Variants in DNM3 observed in about 807,000 individuals in gnomAD.
The protein encoded by DNM3 is dynamin 3.
Under a neutral mutation model 101.6 loss-of-function variants are expected in DNM3, and 47 were observed. That is an observed-to-expected ratio of 0.46 (90% confidence interval 0.37 to 0.59). The LOEUF (loss-of-function observed/expected upper bound fraction) is 0.59, where lower values mean the gene tolerates loss of function less well. Ranked by LOEUF, DNM3 falls within the 20% of genes least tolerant of loss-of-function variation. DNM3 has a pLI of 0.00. For synonymous variants in DNM3, 385 were observed against 387.9 expected (o/e 0.99, Z 0.09); for missense variants, 849 against 1,085.7 (o/e 0.78, Z 3.06).
At chr1:171,896,107 G>T (rs1558228920) in intron 1 of DNM3, among the ~76,000 whole-genome samples, 1 of 152,186 alleles carries the variant, frequency 6.6e-6, no homozygotes, top group Non-Finnish European at 1.5e-5. Flanking sequence ...GCTTAGGATT[G>T]TCTTGGCAAT....
intron 13 of DNM3, among the ~76,000 whole-genome samples, chr1:172,112,558 A>G (rs1165027538): frequency 2.6e-5 from 4 of 152,170 alleles, no homozygotes; most frequent in Middle Eastern, 3.4e-3. Context: ...CAGTCTTTCC[A>G]TTTTCCAGTA....
intron 14 of DNM3, among the ~76,000 whole-genome samples, chr1:172,196,116 T>A (rs1558709449): frequency 6.6e-6 from 1 of 151,748 alleles, no homozygotes; most frequent in Non-Finnish European, 1.5e-5. Flanking sequence ...GTTCATAAAT[T>A]ATTATATTTA....
chr1:172,227,243 T>C (rs2061158474), intron 14 of DNM3, among the ~76,000 whole-genome samples: 1 of 141,980 alleles, frequency 7.0e-6, no homozygotes, highest in African/African-American at 2.6e-5. Flanking sequence ...TTTCATTCTT[T>C]TTTTTTAATG....
chr1:172,415,480 A>G (rs1406136250), downstream of DNM3: 1 of 149,266 alleles, frequency 6.7e-6, no homozygotes, highest in Admixed American at 6.7e-5. Context: ...TTATTAACTT[A>G]CCTAAAGGAT....
intron 5 of DNM3, 118 bp downstream of exon 5, chr1:172,032,618 T>G: frequency 3.7e-6 from 2 of 545,198 alleles, no homozygotes; most frequent in Non-Finnish European, 3.1e-6. Context: ...CCTTCTCAGT[T>G]GTAAGGAATG....
intron 15 of DNM3, among the ~76,000 whole-genome samples, chr1:172,277,354 G>A (rs1032942355): frequency 4.6e-5 from 7 of 152,060 alleles, no homozygotes; most frequent in African/African-American, 9.7e-5. Flanking sequence ...CAGCGTTTTA[G>A]TAGTGAGCAG....
At chr1:172,157,105 T>C (rs1294170328) in intron 14 of DNM3, among the ~76,000 whole-genome samples, 1 of 152,126 alleles carries the variant, frequency 6.6e-6, no homozygotes. Flanking sequence ...TTGTAATATA[T>C]AATGAAATAT....
chr1:172,266,168 A>G (rs1011898547), intron 15 of DNM3, among the ~76,000 whole-genome samples: 4 of 152,298 alleles, frequency 2.6e-5, no homozygotes, highest in Non-Finnish European at 5.9e-5. Context: ...TCCACTTGTT[A>G]GCTGGAAAGA....
chr1:172,053,543 G>GA (rs956204198), intron 10 of DNM3, among the ~76,000 whole-genome samples: 6 of 151,406 alleles, frequency 4.0e-5, no homozygotes, highest in South Asian at 2.1e-4. Flanking sequence ...AAGCTCCTTT[G>GA]AAAAAAAAGG....
intron 4 of DNM3, among the ~76,000 whole-genome samples, chr1:172,002,957 G>A (rs1213732285): frequency 1.3e-5 from 2 of 151,968 alleles, no homozygotes; most frequent in Non-Finnish European, 2.9e-5. Flanking sequence ...TAAAGACGCT[G>A]CTTGAAGAAG....
intron 15 of DNM3, among the ~76,000 whole-genome samples, chr1:172,275,998 G>C (rs1015168527): frequency 2.0e-5 from 3 of 152,004 alleles, no homozygotes; most frequent in African/African-American, 7.2e-5. Flanking sequence ...TCAGGAAGAG[G>C]TTTTTAATAC....
intron 17 of DNM3, among the ~76,000 whole-genome samples, chr1:172,355,960 G>A (rs1420141513): frequency 1.3e-5 from 2 of 151,898 alleles, no homozygotes; most frequent in African/African-American, 4.8e-5. Context: ...AACCATAAAA[G>A]CATCCAGAGA....
At chr1:172,349,321 G>A (rs1421216521) in intron 17 of DNM3, among the ~76,000 whole-genome samples, 11 of 152,186 alleles carry the variant, frequency 7.2e-5, no homozygotes, top group South Asian at 4.1e-4. Context: ...GAGGATTCTC[G>A]AAATGATTAG....
chr1:172,224,582 T>C (rs1212131201), intron 14 of DNM3, among the ~76,000 whole-genome samples: 2 of 152,088 alleles, frequency 1.3e-5, no homozygotes, highest in Admixed American at 6.6e-5. Flanking sequence ...GACCTCATGA[T>C]TGATGTTCAG....
chr1:171,870,342 T>A (rs1407647271), intron 1 of DNM3, among the ~76,000 whole-genome samples: 1 of 152,118 alleles, frequency 6.6e-6, no homozygotes, highest in East Asian at 1.9e-4. Flanking sequence ...TACAGACTAA[T>A]GCAGTTATAT....
At chr1:172,286,251 T>C (rs535563535) in intron 15 of DNM3, among the ~76,000 whole-genome samples, 6 of 152,226 alleles carry the variant, frequency 3.9e-5, no homozygotes, top group African/African-American at 1.4e-4. Context: ...CTCTCTCTAT[T>C]TATTCCTCTG....
At chr1:172,251,842 T>A (rs2148681117) in intron 14 of DNM3, among the ~76,000 whole-genome samples, 1 of 152,194 alleles carries the variant, frequency 6.6e-6, no homozygotes, top group East Asian at 1.9e-4. Context: ...ATAAAAAAAA[T>A]GTTCCCTGGG....
At chr1:172,311,161 TC>T (rs1339094584) in intron 16 of DNM3, 30 of 152,160 alleles carry the variant, frequency 2.0e-4, no homozygotes, top group African/African-American at 6.8e-4. Context: ...TTATTATGAT[TC>T]TTATTATGAA....
intron 13 of DNM3, among the ~76,000 whole-genome samples, chr1:172,098,183 C>T (rs911541465): frequency 2.8e-4 from 42 of 152,068 alleles, no homozygotes; most frequent in African/African-American, 7.2e-4. Flanking sequence ...GGGAGCGATA[C>T]GGGAGACTAG....
Sources: gnomAD v4.1 joint callset for allele counts (sites outside exome capture counted in the v4.1 genomes callset) on GRCh38, gnomAD v4.1.1 for gene constraint, MANE v1.5 for transcripts, NCBI Gene and HGNC (gene_info 2026-07-23, HGNC 2026-07-21) for gene names.